PDE1A: variants seen among roughly 807,000 people sequenced by gnomAD.
PDE1A encodes the protein dual specificity calcium/calmodulin-dependent 3',5'-cyclic nucleotide phosphodiesterase 1A.
PDE1A carries 35 observed loss-of-function variants against 61.7 expected under a neutral mutation model. The observed-to-expected ratio is 0.57, with a 90% CI of 0.43 to 0.75. The LOEUF (loss-of-function observed/expected upper bound fraction) is 0.75. Among genes scored for constraint, PDE1A ranks in the 30% least tolerant of loss-of-function variants. The pLI, the probability that PDE1A is intolerant of heterozygous loss-of-function variation, is 0.00. For synonymous variants in PDE1A, 232 were observed against 213.2 expected (o/e 1.09, Z -0.77); for missense variants, 597 against 630.6 (o/e 0.95, Z 0.57).
chr2:182,706,219 AT>A, the PDE1A span, among the ~76,000 whole-genome samples: 1 of 152,184 alleles, frequency 6.6e-6, no homozygotes, highest in East Asian at 1.9e-4. Context: ...CTTCTCTGAA[AT>A]TCTATTCCCT....
intron 10 of PDE1A, among the ~76,000 whole-genome samples, chr2:182,190,792 C>T (rs888523785): frequency 6.6e-6 from 1 of 151,994 alleles, no homozygotes; most frequent in Non-Finnish European, 1.5e-5. Flanking sequence ...ACCGTCTCTA[C>T]TATAAATACA....
At chr2:182,323,320 A>G (rs575179136) in intron 1 of PDE1A, among the ~76,000 whole-genome samples, 1 of 152,044 alleles carries the variant, frequency 6.6e-6, no homozygotes, top group Non-Finnish European at 1.5e-5. Context: ...CAAACAAAAA[A>G]CTCCCATTTC....
intron 2 of PDE1A, among the ~76,000 whole-genome samples, chr2:182,476,194 T>C (rs1350618334): frequency 1.3e-5 from 2 of 151,914 alleles, no homozygotes; most frequent in Non-Finnish European, 1.5e-5. Flanking sequence ...GAATTAATTA[T>C]ATTTTTAAAA....
At chr2:182,142,935 T>G (rs1282471884), downstream of PDE1A, 1 of 152,228 alleles carries the variant, frequency 6.6e-6, no homozygotes, top group Non-Finnish European at 1.5e-5. Flanking sequence ...ATTCCTTGTA[T>G]AGGAGTCAAT....
At chr2:182,441,598 A>G (rs1268910392) in intron 2 of PDE1A, among the ~76,000 whole-genome samples, 1 of 152,002 alleles carries the variant, frequency 6.6e-6, no homozygotes, top group Non-Finnish European at 1.5e-5. Flanking sequence ...AGCAATTAGC[A>G]CACCTAGCAC....
At chr2:182,154,753 A>T (rs542606009) in intron 13 of PDE1A, among the ~76,000 whole-genome samples, 3 of 152,304 alleles carry the variant, frequency 2.0e-5, no homozygotes, top group African/African-American at 7.2e-5. Flanking sequence ...AGTCTCAAGT[A>T]CGTCTTTATT....
chr2:182,486,017 T>C (rs1239865361), intron 2 of PDE1A, among the ~76,000 whole-genome samples: 1 of 151,788 alleles, frequency 6.6e-6, no homozygotes, highest in Non-Finnish European at 1.5e-5. Flanking sequence ...GAAGTAAAAC[T>C]CTATTCACAG....
At chr2:182,704,135 C>T in the PDE1A span, among the ~76,000 whole-genome samples, 25 of 142,426 alleles carry the variant, frequency 1.8e-4, no homozygotes, top group African/African-American at 6.0e-4. Flanking sequence ...TGCTCGAATC[C>T]GGGGGGCAGA....
At chr2:182,534,589 TA>T in the PDE1A span, among the ~76,000 whole-genome samples, 28 of 151,530 alleles carry the variant, frequency 1.8e-4, no homozygotes, top group East Asian at 1.7e-3. Flanking sequence ...TGTACCACTT[TA>T]AAAAAAATAC....
At chr2:182,529,011 A>C in the PDE1A span, among the ~76,000 whole-genome samples, 1 of 152,190 alleles carries the variant, frequency 6.6e-6, no homozygotes, top group Non-Finnish European at 1.5e-5. Context: ...TGGAAGGGAA[A>C]TGTGGGGTTG....
intron 2 of PDE1A, among the ~76,000 whole-genome samples, chr2:182,247,749 T>G (rs1691083776): frequency 6.6e-6 from 1 of 152,228 alleles, no homozygotes; most frequent in Non-Finnish European, 1.5e-5. Flanking sequence ...ATCTAAGACA[T>G]GAAAATATCT....
At chr2:182,582,779 G>A in the PDE1A span, among the ~76,000 whole-genome samples, 2 of 152,320 alleles carry the variant, frequency 1.3e-5, no homozygotes, top group East Asian at 1.9e-4. Context: ...AGCGGACAGA[G>A]CCTATGGGAC....
At chr2:182,186,486 G>A (rs1247897692) in exon 12 of PDE1A, 2 of 1,612,626 alleles carry the variant, frequency 1.2e-6, no homozygotes, top group Non-Finnish European at 1.7e-6. Flanking sequence ...CACATAGGAA[G>A]AAGTTTCGGC....
intron 1 of PDE1A, among the ~76,000 whole-genome samples, chr2:182,398,857 C>T (rs1701847161): frequency 6.6e-6 from 1 of 151,782 alleles, no homozygotes; most frequent in African/African-American, 2.4e-5. Context: ...ACTTTAAGTT[C>T]CAGAATACAT....
At chr2:182,491,453 G>A (rs1040579102) in intron 2 of PDE1A, among the ~76,000 whole-genome samples, 1 of 152,142 alleles carries the variant, frequency 6.6e-6, no homozygotes, top group African/African-American at 2.4e-5. Flanking sequence ...ACAAAGAATT[G>A]GAGGTCCCAG....
At chr2:182,602,992 C>CACAAACATACAT in the PDE1A span, among the ~76,000 whole-genome samples, 12 of 130,492 alleles carry the variant, frequency 9.2e-5, no homozygotes, top group African/African-American at 2.6e-4. Context: ...CACACACACA[C>CACAAACATACAT]ACATACATAC....
At chr2:182,560,617 T>C in the PDE1A span, among the ~76,000 whole-genome samples, 2 of 152,144 alleles carry the variant, frequency 1.3e-5, no homozygotes, top group Admixed American at 1.3e-4. Context: ...TTTCTAGTTC[T>C]AGATCCCTGA....
the PDE1A span, among the ~76,000 whole-genome samples, chr2:182,595,041 G>C: frequency 6.6e-5 from 10 of 152,110 alleles, no homozygotes; most frequent in Non-Finnish European, 1.2e-4. Context: ...AATAAGCCCT[G>C]TGGTAAGCCT....
upstream of PDE1A, among the ~76,000 whole-genome samples, chr2:182,527,387 T>TAC (rs1690795928): frequency 1.0e-5 from 1 of 98,914 alleles, no homozygotes; most frequent in Non-Finnish European, 1.9e-5. Context: ...CATATATATA[T>TAC]ACACACATAT....
Sources: gnomAD v4.1 joint callset for allele counts (sites outside exome capture counted in the v4.1 genomes callset) on GRCh38, gnomAD v4.1.1 for gene constraint, MANE v1.5 for transcripts, NCBI Gene and HGNC (gene_info 2026-07-23, HGNC 2026-07-21) for gene names.